ALDH1L2: variants seen among roughly 807,000 people sequenced by gnomAD.
ALDH1L2 encodes the protein mitochondrial 10-formyltetrahydrofolate dehydrogenase.
Under a neutral mutation model 111.0 loss-of-function variants are expected in ALDH1L2, and 91 were observed. The ratio of observed to expected loss-of-function variants is 0.82; its 90% CI spans 0.69 to 0.98. The LOEUF (loss-of-function observed/expected upper bound fraction) is 0.98. Ranked by LOEUF, ALDH1L2 falls within the 50% of genes least tolerant of loss-of-function variation. ALDH1L2 has a pLI of 0.00. For synonymous variants in ALDH1L2, 374 were observed against 392.6 expected (o/e 0.95, Z 0.56); for missense variants, 995 against 1,126.8 (o/e 0.88, Z 1.67).
intron 2 of ALDH1L2, 190 bp downstream of exon 2, chr12:105,073,671 C>A (rs188997366): frequency 6.4e-4 from 452 of 702,770 alleles, no homozygotes; most frequent in Admixed American, 1.9e-3. Context: ...CAATGGGATA[C>A]AAGTGGGAGT....
chr12:105,052,254 A>G (rs751186875), intron 11 of ALDH1L2, 37 bp from the exon 12 acceptor site: 1 of 1,519,772 alleles, frequency 6.6e-7, no homozygotes, highest in South Asian at 1.3e-5. Flanking sequence ...CCCATGAGAG[A>G]TATGAAAATA....
chr12:105,024,692 A>G (rs1874329935), intron 22 of ALDH1L2, among the ~76,000 whole-genome samples: 1 of 152,246 alleles, frequency 6.6e-6, no homozygotes, highest in African/African-American at 2.4e-5. Flanking sequence ...GTGTGGGCCC[A>G]GAGGTTTTGT....
rs7310548 is a variant in ALDH1L2, at chr12:105,068,293, A to G, written c.594+426T>C. Among the ~76,000 whole-genome samples the G allele has an allele frequency of 3.3e-3, 507 of 152,158 alleles. 4 individuals are homozygous for G. The highest frequency in any genetic ancestry group is 0.012 in the African/African-American group (483 of 41,500). Reference sequence around the variant, plus strand: ...GGGATTTTTTTTTTTTTACCCCAGAATACGTCTGGATAAATACAGCAACAC... The same window carrying G: ...GGGATTTTTTTTTTTTTACCCCAGAGTACGTCTGGATAAATACAGCAACAC... On this transcript the variant is annotated intron_variant, in intron 4 of 22. Transcript: ENST00000258494.
At chr12:105,045,000 T>C (rs927011674) in intron 15 of ALDH1L2, among the ~76,000 whole-genome samples, 1 of 152,194 alleles carries the variant, frequency 6.6e-6, no homozygotes, top group Non-Finnish European at 1.5e-5. Flanking sequence ...TTTTGAAGTA[T>C]AAAATATAGT....
At chr12:105,078,125 C>T (rs1015258212) in intron 1 of ALDH1L2, among the ~76,000 whole-genome samples, 15 of 152,110 alleles carry the variant, frequency 9.9e-5, no homozygotes, top group Middle Eastern at 3.2e-3. Context: ...TTTTATTTGG[C>T]CCACAAAGCA....
intron 9 of ALDH1L2, chr12:105,060,352 T>C (rs1470713604): frequency 6.6e-6 from 1 of 152,144 alleles, no homozygotes; most frequent in Non-Finnish European, 1.5e-5. Flanking sequence ...TCTGATGTCA[T>C]ATTGGAGGAA....
chr12:105,046,183 CTCTCTCTCTCTATATATATA>C lies in ALDH1L2; in HGVS notation c.1863+507_1863+526del, dbSNP rs1402825967. Among the ~76,000 whole-genome samples, 9 of 26,106 alleles carry C rather than the reference CTCTCTCTCTCTATATATATA, an allele frequency of 3.4e-4. No individual in the cohort carries two copies. The East Asian group carries it at 4.3e-3, about 13-fold the overall frequency. The allele number at this position is 26,106 out of a possible 152,430, so 17.1% of individuals were successfully genotyped here. ...TCTCTCTCTCTCTCTCTCTCTCTCT[CTCTCTCTCTCTATATATATA>C]TATATATATATATATATATTTTTTT... On this transcript the variant is annotated intron_variant, in intron 15 of 22. Coordinates refer to ENST00000258494, the MANE Select transcript of ALDH1L2 (RefSeq NM_001034173.4).
chr12:105,046,689 C>T (rs748431482), intron 15 of ALDH1L2, 21 bp downstream of exon 15: 6 of 1,604,658 alleles, frequency 3.7e-6, no homozygotes, highest in Non-Finnish European at 5.1e-6. Context: ...CAATTCTGCA[C>T]CTGGCCCTTT....
At chr12:105,077,479 G>C (rs925228914) in intron 1 of ALDH1L2, among the ~76,000 whole-genome samples, 1 of 149,592 alleles carries the variant, frequency 6.7e-6, no homozygotes, top group Non-Finnish European at 1.5e-5. Context: ...GGGTTTCATC[G>C]TGTTGCCCAG....
intron 15 of ALDH1L2, among the ~76,000 whole-genome samples, chr12:105,046,183 CTCTCTCTCTCTATATATATATA>C (rs1409321356): frequency 5.7e-4 from 15 of 26,120 alleles, no homozygotes; most frequent in East Asian, 2.9e-3. Flanking sequence ...CTCTCTCTCT[CTCTCTCTCTCTATATATATATA>C]TATATATATA....
chr12:105,074,489 GA>G (rs1323481047), intron 1 of ALDH1L2, among the ~76,000 whole-genome samples: 3 of 124,696 alleles, frequency 2.4e-5, no homozygotes, highest in African/African-American at 3.6e-5. Context: ...AAAAAGAAAA[GA>G]AAAAGAAAGA....
chr12:105,083,388 A>G (rs1348145496), intron 1 of ALDH1L2, among the ~76,000 whole-genome samples: 1 of 151,574 alleles, frequency 6.6e-6, no homozygotes, highest in African/African-American at 2.4e-5. Context: ...CTGGTTGCAA[A>G]GAGTAAAACG....
chr12:105,072,206 TTATAA>T (rs1565973043), intron 2 of ALDH1L2: 3 of 148,066 alleles, frequency 2.0e-5, no homozygotes, highest in East Asian at 1.9e-4. Context: ...TATATACATT[TTATAA>T]TATATTATTA....
chr12:105,036,158 ATAATATATACACG>A lies in ALDH1L2; in HGVS notation c.2146-1773_2146-1761del, dbSNP rs1366235728. ...TATACGTATATTTATATATGTGTAT[ATAATATATACACG>A]TATATTTATATATGTGTATATAATA... is the stretch of plus-strand genomic sequence containing the variant. On this transcript the variant is annotated intron_variant, in intron 18 of 22. Coordinates refer to ENST00000258494, the MANE Select transcript of ALDH1L2 (RefSeq NM_001034173.4). Among the ~76,000 whole-genome samples, 6 of 58,252 alleles carry A rather than the reference ATAATATATACACG, an allele frequency of 1.0e-4. 1 individual carries two copies. The East Asian group carries it at 3.9e-3, about 37-fold the overall frequency. The allele number at this position is 58,252 out of a possible 152,430, so 38.2% of individuals were successfully genotyped here. A position where few individuals can be genotyped will look rare whatever the true frequency, so the allele number is the denominator to read the frequency against.
chr12:105,036,955 GTTC>G (rs763530498), intron 18 of ALDH1L2, among the ~76,000 whole-genome samples: 10 of 152,044 alleles, frequency 6.6e-5, no homozygotes, highest in Admixed American at 1.3e-4. Context: ...GGGGTACTTG[GTTC>G]TTCTTCACTC....
intron 21 of ALDH1L2, among the ~76,000 whole-genome samples, chr12:105,029,394 C>T (rs1022760861): frequency 3.3e-5 from 5 of 152,142 alleles, no homozygotes; most frequent in South Asian, 2.1e-4. Context: ...TGACCCACTG[C>T]ACCATCCTGC....
intron 1 of ALDH1L2, 87 bp from the exon 2 acceptor site, chr12:105,074,092 C>G (rs1315742632): frequency 5.9e-6 from 9 of 1,514,236 alleles, no homozygotes; most frequent in Non-Finnish European, 8.1e-6. Flanking sequence ...CTATTGGGTA[C>G]GATGTTCACT....
intron 5 of ALDH1L2, among the ~76,000 whole-genome samples, chr12:105,066,255 C>CTTGT (rs750845780): frequency 2.0e-5 from 3 of 152,070 alleles, no homozygotes; most frequent in African/African-American, 2.4e-5. Flanking sequence ...TTTTTATTTG[C>CTTGT]TTGTTTGTTT....
At chr12:105,034,488 G>T (rs1282450019) in intron 18 of ALDH1L2, 90 bp from the exon 19 acceptor site, 3 of 1,149,870 alleles carry the variant, frequency 2.6e-6, no homozygotes, top group African/African-American at 1.6e-5. Context: ...AGTTGTTTTT[G>T]GAAGACAGCA....
Sources: allele counts gnomAD v4.1 joint callset (sites outside exome capture counted in the v4.1 genomes callset), GRCh38; gene constraint gnomAD v4.1.1; transcripts MANE v1.5; gene names NCBI Gene and HGNC (gene_info 2026-07-23, HGNC 2026-07-21).